The following TPO variants were observed in gnomAD, a reference collection of about 807,000 sequenced individuals.
The protein encoded by TPO is thyroid peroxidase.
Under a neutral mutation model 96.9 loss-of-function variants are expected in TPO, and 78 were observed. The observed-to-expected ratio is 0.81, with a 90% CI of 0.67 to 0.97. The LOEUF (loss-of-function observed/expected upper bound fraction) is 0.97. Ranked by LOEUF, TPO falls within the 50% of genes least tolerant of loss-of-function variation. The pLI, the probability that TPO is intolerant of heterozygous loss-of-function variation, is 0.00. For synonymous variants in TPO, 547 were observed against 538.0 expected (o/e 1.02, Z -0.23); for missense variants, 1,252 against 1,274.8 (o/e 0.98, Z 0.27).
Position 1,542,696 on chromosome 2 carries a change from G to C in TPO, c.*222G>C. ...AACATTGCCTGATTTGTTCCTTCTG[G>C]GGCTTTGCCATTAAAATGTATTTAC... On this transcript the variant is annotated 3_prime_UTR_variant, in exon 17 of 17. Coordinates refer to ENST00000329066, the MANE Select transcript of TPO (RefSeq NM_001206744.2). The C allele has an allele frequency of 7.3e-7, 1 of 1,365,904 alleles. No individual in the cohort carries two copies. The highest frequency in any genetic ancestry group is 1.0e-6 in the Non-Finnish European group (1 of 1,002,898). The allele number at this position is 1,365,904 out of a possible 1,614,324, so 84.6% of individuals were successfully genotyped here.
chr2:1,491,055 A>G (rs534689564), intron 10 of TPO, among the ~76,000 whole-genome samples: 2 of 152,240 alleles, frequency 1.3e-5, no homozygotes, highest in African/African-American at 4.8e-5. Flanking sequence ...CTGTAATCCC[A>G]GCTACTTGAG....
intron 15 of TPO, among the ~76,000 whole-genome samples, chr2:1,537,064 G>GTGCAACCTCCCACTCTACCCC (rs1679888521): frequency 4.2e-4 from 7 of 16,562 alleles, no homozygotes; most frequent in African/African-American, 3.2e-3. Flanking sequence ...CCAAATCCCT[G>GTGCAACCTCCCACTCTACCCC]CCACTGTGTG....
At chr2:1,479,692 C>G (rs1227193629) in intron 8 of TPO, among the ~76,000 whole-genome samples, 1 of 152,176 alleles carries the variant, frequency 6.6e-6, no homozygotes, top group African/African-American at 2.4e-5. Context: ...TCCTACTGAC[C>G]TAGAAATAAT....
intron 9 of TPO, among the ~76,000 whole-genome samples, chr2:1,486,477 A>G (rs1205934913): frequency 6.6e-6 from 1 of 150,438 alleles, no homozygotes; most frequent in Non-Finnish European, 1.5e-5. Flanking sequence ...CAGAGGGTGC[A>G]GGTGAGCCGA....
chr2:1,493,911 C>T lies in TPO; in HGVS notation c.1878C>T (p.Tyr626=), dbSNP rs566946438. The change falls in exon 11 of 17, where the codon TAC becomes TAT. Residue 626 remains tyrosine, a synonymous_variant. Coordinates refer to ENST00000329066, the MANE Select transcript of TPO (RefSeq NM_001206744.2). ...TGGCCGACAAGATCCTGGACTTGTA[C>T]AAGCATCCTGACAACATCGATGTCT... ...RSVADKILDL[Y]KHPDNIDVWL... 3 of 1,614,228 alleles carry T rather than the reference C, an allele frequency of 1.9e-6. No homozygotes were observed. The highest frequency in any genetic ancestry group is 1.7e-6 in the Non-Finnish European group (2 of 1,180,038).
intron 15 of TPO, among the ~76,000 whole-genome samples, chr2:1,532,374 C>T (rs1444121442): frequency 8.0e-5 from 6 of 74,828 alleles, no homozygotes; most frequent in African/African-American, 2.2e-4. Flanking sequence ...CCCCACAGTG[C>T]GCAACCTCCT....
Position 1,542,624 on chromosome 2 carries a change from A to T in TPO, c.*150A>T. 1 of 1,550,270 alleles carries T rather than the reference A, an allele frequency of 6.5e-7. No individual in the cohort carries two copies. The highest frequency in any genetic ancestry group is 8.7e-7 in the Non-Finnish European group (1 of 1,145,744). ...TACCATGTCGTAGTTACTCTCAGGC[A>T]TGGATGAATAAATGTTATAGCTGCA... is the stretch of plus-strand genomic sequence containing the variant. On this transcript the variant is annotated 3_prime_UTR_variant, in exon 17 of 17. Coordinates refer to ENST00000329066, the MANE Select transcript of TPO (RefSeq NM_001206744.2).
rs368140701 is a variant in TPO, at chr2:1,462,212, G to A, written c.819+5930G>A. On this transcript the variant is annotated intron_variant, in intron 7 of 16. Coordinates refer to ENST00000329066, the MANE Select transcript of TPO (RefSeq NM_001206744.2). Reference sequence around the variant, plus strand: ...GCAGAGAGGCTGGGGCAGGTGCTGCGGGCAGCAGGCGGGGAGGGGCTGGAC... The same window carrying A: ...GCAGAGAGGCTGGGGCAGGTGCTGCAGGCAGCAGGCGGGGAGGGGCTGGAC... Among the ~76,000 whole-genome samples, 241 of 152,242 alleles carry A rather than the reference G, an allele frequency of 1.6e-3. 1 individual carries two copies. Among genetic ancestry groups the A allele is most frequent in the African/African-American group, 5.5e-3 (227 of 41,554 alleles).
At chr2:1,423,188 C>T in intron 3 of TPO, 59 bp downstream of exon 3, 1 of 1,528,936 alleles carries the variant, frequency 6.5e-7, no homozygotes, top group Non-Finnish European at 9.0e-7. Flanking sequence ...TCCTCCCTGA[C>T]ATCCACACAC....
chr2:1,381,023 G>T (rs1434415871), intron 1 of TPO, among the ~76,000 whole-genome samples: 1 of 152,142 alleles, frequency 6.6e-6, no homozygotes, highest in Non-Finnish European at 1.5e-5. Flanking sequence ...TGTGCTGAAC[G>T]TGCAGGTTTG....
At chr2:1,400,568 C>CAAAAAAAAAAAAAAAAAAAAAA (rs34242408) in intron 1 of TPO, among the ~76,000 whole-genome samples, 11 of 71,604 alleles carry the variant, frequency 1.5e-4, no homozygotes, top group African/African-American at 6.0e-4. Context: ...GACTCTGTCT[C>CAAAAAAAAAAAAAAAAAAAAAA]AAAAAAAAAA....
At chr2:1,489,387 C>T (rs570878074) in intron 10 of TPO, among the ~76,000 whole-genome samples, 6 of 152,310 alleles carry the variant, frequency 3.9e-5, no homozygotes, top group Non-Finnish European at 8.8e-5. Flanking sequence ...ACAGCTTGAT[C>T]TCCTCATGTT....
upstream of TPO, among the ~76,000 whole-genome samples, chr2:1,410,484 G>T (rs1408068391): frequency 6.6e-6 from 1 of 152,222 alleles, no homozygotes; most frequent in Non-Finnish European, 1.5e-5. Flanking sequence ...AGAGCCTCTT[G>T]TCTGTGGACA....
rs532347955 is a variant in TPO at position 1,391,211 on chromosome 2, A to G, written n.180+16809A>G. Among the ~76,000 whole-genome samples the G allele has an allele frequency of 5.4e-3, 829 of 152,244 alleles. 9 individuals carry two copies. The highest frequency in any genetic ancestry group is 0.018 in the African/African-American group (759 of 41,560). On this transcript the variant is annotated intron_variant and non_coding_transcript_variant, in intron 1 of 5. Coordinates refer to the TPO transcript ENST00000497517. ...CCATCTTGAATTAATTTTGTATAAG[A>G]TGTAAGGAAAGGATCCAGTTTCAGC...
At position 1,494,242 on chromosome 2, in the gene TPO, C is replaced by T. The variant is rs151334335; in HGVS notation, c.2006+203C>T. Among the ~76,000 whole-genome samples, 222 of 152,340 alleles carry T rather than the reference C, an allele frequency of 1.5e-3. 1 individual carries two copies. The highest frequency in any genetic ancestry group is 5.3e-3 in the African/African-American group (219 of 41,580). ...ATAACAATGAAGCAACTACGAAGCA[C>T]GTAGCACTTAGAATGGGAGCTAGCA... is the stretch of plus-strand genomic sequence containing the variant. On this transcript the variant is annotated intron_variant, in intron 11 of 16. Coordinates refer to ENST00000329066, the MANE Select transcript of TPO (RefSeq NM_001206744.2).
chr2:1,502,005 G>A (rs980936421), intron 13 of TPO, among the ~76,000 whole-genome samples: 7 of 152,172 alleles, frequency 4.6e-5, no homozygotes, highest in Admixed American at 6.5e-5. Context: ...GGAACTCCCC[G>A]AGAGGGATGC....
chr2:1,506,453 C>T (rs552624139), intron 14 of TPO, among the ~76,000 whole-genome samples: 18 of 152,248 alleles, frequency 1.2e-4, no homozygotes, highest in South Asian at 6.2e-4. Context: ...CCTGAGGAAT[C>T]GCCACACTGC....
intron 1 of TPO, among the ~76,000 whole-genome samples, chr2:1,375,625 G>A (rs760121533): frequency 2.0e-5 from 3 of 152,238 alleles, no homozygotes; most frequent in Admixed American, 1.3e-4. Context: ...CTGCCTGTTT[G>A]GGAATAAAAG....
chr2:1,402,735 G>A (rs55896290), intron 1 of TPO, among the ~76,000 whole-genome samples: 38,632 of 152,128 alleles, frequency 0.25, 5,967 homozygotes, highest in Admixed American at 0.36. Context: ...ACAGTAGGGG[G>A]AAAACTGCCC....
Sources: gnomAD v4.1 joint callset for allele counts (sites outside exome capture counted in the v4.1 genomes callset) on GRCh38, gnomAD v4.1.1 for gene constraint, MANE v1.5 for transcripts, NCBI Gene and HGNC (gene_info 2026-07-23, HGNC 2026-07-21) for gene names.